The following PGM3 variants were observed in gnomAD, a reference collection of about 807,000 sequenced individuals.
The protein encoded by PGM3 is phosphoglucomutase 3, also known as phosphoacetylglucosamine mutase.
Under a neutral mutation model 66.2 loss-of-function variants are expected in PGM3, and 40 were observed. That is an observed-to-expected ratio of 0.60 (90% confidence interval 0.47 to 0.79). The LOEUF is 0.79. Among genes scored for constraint, PGM3 ranks in the 30% least tolerant of loss-of-function variants. PGM3 has a pLI of 0.00. For missense variants in PGM3, 537 were observed against 643.4 expected (o/e 0.83, Z 1.79); for synonymous variants, 191 against 224.2 (o/e 0.85, Z 1.32).
At chr6:83,154,278 G>A in the PGM3 span, 1 of 1,570,618 alleles carries the variant, frequency 6.4e-7, no homozygotes, top group Non-Finnish European at 8.8e-7. Context: ...GTTCTTTCCT[G>A]TACATGGTTC....
intron 5 of PGM3, 55 bp from the exon 6 acceptor site, chr6:83,181,986 G>T: frequency 8.4e-7 from 1 of 1,194,048 alleles, no homozygotes; most frequent in Non-Finnish European, 1.2e-6. Context: ...AAATAAATGT[G>T]AAATATAAAG....
At chr6:83,191,214 T>C (rs139140371) in intron 1 of PGM3, 200 bp from the exon 2 acceptor site, 1 of 1,535,186 alleles carries the variant, frequency 6.5e-7, no homozygotes, top group East Asian at 2.4e-5. Flanking sequence ...ACTTGGTATG[T>C]CCACTCCTGG....
chr6:83,155,756 C>T, the PGM3 span, among the ~76,000 whole-genome samples: 1 of 152,224 alleles, frequency 6.6e-6, no homozygotes, highest in South Asian at 2.1e-4. Context: ...ATCACAATTC[C>T]TACCATTTTG....
At chr6:83,173,228 G>A (rs745901391) in intron 10 of PGM3, among the ~76,000 whole-genome samples, 1 of 152,156 alleles carries the variant, frequency 6.6e-6, no homozygotes, top group Non-Finnish European at 1.5e-5. Context: ...TAAATGAAGT[G>A]TTTTTGTGGA....
chr6:83,168,990 A>T lies in PGM3; in HGVS notation c.*244T>A. On this transcript the variant is annotated 3_prime_UTR_variant, in exon 13 of 13. Coordinates refer to ENST00000513973, the MANE Select transcript of PGM3 (RefSeq NM_015599.3). The stretch of plus-strand genomic sequence containing the variant: ...TGTACAGTTAGTGACTGAATTGTAT[A>T]CTTAAGTCCCAGTATTTTACATTAG... 1 of 1,288,328 alleles carries T rather than the reference A, an allele frequency of 7.8e-7. No individual in the cohort carries two copies. Among genetic ancestry groups the T allele is most frequent in the Non-Finnish European group, 9.9e-7 (1 of 1,013,080 alleles). The allele number at this position is 1,288,328 out of a possible 1,614,324, so 79.8% of individuals were successfully genotyped here.
rs1786402842 is a variant in PGM3 at position 83,168,594 on chromosome 6, T to C, written c.*640A>G. 1 of 997,594 alleles carries C rather than the reference T, an allele frequency of 1.0e-6. No homozygotes were observed. The highest frequency in any genetic ancestry group is 4.4e-5 in the South Asian group (1 of 22,634). 61.8% of individuals were successfully genotyped at this position (997,594 alleles called of 1,614,324 possible). Reference sequence around the variant, plus strand: ...CAGAGGCTGGGAAACGTATTATAATTAGTTTTTCTCCCACATACCTTCACC... The same window carrying C: ...CAGAGGCTGGGAAACGTATTATAATCAGTTTTTCTCCCACATACCTTCACC... On this transcript the variant is annotated 3_prime_UTR_variant, in exon 13 of 13. Transcript: ENST00000513973.
the PGM3 span, chr6:83,148,907 T>G: frequency 4.2e-6 from 5 of 1,181,974 alleles, no homozygotes; most frequent in Non-Finnish European, 5.8e-6. Context: ...AAGGATAATG[T>G]TAATTGTCCT....
chr6:83,183,231 A>G (rs1039718198), intron 4 of PGM3, among the ~76,000 whole-genome samples: 85 of 152,252 alleles, frequency 5.6e-4, no homozygotes, highest in Admixed American at 2.7e-3. Flanking sequence ...TTCTGTTTCC[A>G]GTAACATTGC....
chr6:83,186,122 C>T (rs1490188634), intron 4 of PGM3, among the ~76,000 whole-genome samples: 2 of 152,162 alleles, frequency 1.3e-5, no homozygotes, highest in African/African-American at 2.4e-5. Context: ...CTCTGTACAT[C>T]GTATCATGAG....
At chr6:83,175,518 T>C (rs1335113616) in intron 9 of PGM3, among the ~76,000 whole-genome samples, 1 of 152,228 alleles carries the variant, frequency 6.6e-6, no homozygotes, top group African/African-American at 2.4e-5. Flanking sequence ...ATTATACACT[T>C]TAAAATGTAA....
intron 4 of PGM3, among the ~76,000 whole-genome samples, chr6:83,185,813 C>T (rs954131494): frequency 1.6e-4 from 24 of 151,842 alleles, no homozygotes; most frequent in Admixed American, 1.4e-3. Flanking sequence ...AAAAAGGTAG[C>T]TCAAGCTATG....
rs1243028702 is a variant in PGM3 at position 83,182,664 on chromosome 6, A to G, written c.591+181T>C. ...TACATAATTTGCCAAGTAAACGCCA[A>G]TGTAAGTTAGCAGGATACATAGACC... On this transcript the variant is annotated intron_variant, in intron 5 of 12. Coordinates refer to ENST00000513973, the MANE Select transcript of PGM3 (RefSeq NM_015599.3). Among the ~76,000 whole-genome samples, 62 of 152,204 alleles carry G rather than the reference A, an allele frequency of 4.1e-4. 1 individual carries two copies. Among genetic ancestry groups the G allele is most frequent in the Admixed American group, 4.1e-3 (62 of 15,276 alleles).
upstream of PGM3, chr6:83,193,486 C>A (rs1419922052): frequency 6.6e-6 from 1 of 152,226 alleles, no homozygotes; most frequent in Non-Finnish European, 1.5e-5. Context: ...CCGAGGGTCG[C>A]GGGCCCTCAG....
At position 83,188,535 on chromosome 6, in the gene PGM3, G is replaced by A; in HGVS notation, c.389+79C>T. On this transcript the variant is annotated intron_variant, in intron 3 of 12. Transcript: ENST00000513973. Reference sequence around the variant, plus strand: ...AGTTCCACTTTACTTCTTTCCATTTGTCTTGGATTAAAACTGATACAATCG... The same window carrying A: ...AGTTCCACTTTACTTCTTTCCATTTATCTTGGATTAAAACTGATACAATCG... The A allele has an allele frequency of 6.0e-6, 7 of 1,166,646 alleles. No individual in the cohort carries two copies. The South Asian group carries it at 8.4e-5, about 14-fold the overall frequency. The allele number at this position is 1,166,646 out of a possible 1,614,324, so 72.3% of individuals were successfully genotyped here. A position where few individuals can be genotyped will look rare whatever the true frequency, so the allele number is the denominator to read the frequency against.
At chr6:83,176,335 G>A (rs1259321564) in intron 8 of PGM3, among the ~76,000 whole-genome samples, 1 of 152,134 alleles carries the variant, frequency 6.6e-6, no homozygotes, top group African/African-American at 2.4e-5. Context: ...TGACCTAACT[G>A]TTTTAGAAAG....
At chr6:83,156,132 C>G in the PGM3 span, 1 of 1,577,176 alleles carries the variant, frequency 6.3e-7, no homozygotes, top group Non-Finnish European at 8.6e-7. Context: ...TTTATTTTTT[C>G]TCTAACTACA....
chr6:83,170,270 T>C (rs1046562438), intron 12 of PGM3, 35 bp downstream of exon 12: 3 of 1,600,896 alleles, frequency 1.9e-6, no homozygotes, highest in East Asian at 4.5e-5. Context: ...TCACCTAATA[T>C]TAGGCTCTTT....
chr6:83,167,402 A>G lies in PGM3; in HGVS notation c.*1832T>C, dbSNP rs1220661480. ...GCTACCATCATGGCAAATTTAGGCC[A>G]TTTAGATAAAAGGGAATTAACTAAT... On this transcript the variant is annotated 3_prime_UTR_variant, in exon 13 of 13. Transcript: ENST00000513973. 3.1e-6 allele frequency: 3 copies of G among 982,268 alleles called. No individual in the cohort carries two copies. The highest frequency in any genetic ancestry group is 6.1e-5 in the Admixed American group (1 of 16,378). The allele number at this position is 982,268 out of a possible 1,614,324, so 60.8% of individuals were successfully genotyped here.
At chr6:83,176,300 A>G (rs1202030736) in intron 8 of PGM3, among the ~76,000 whole-genome samples, 1 of 152,228 alleles carries the variant, frequency 6.6e-6, no homozygotes, top group African/African-American at 2.4e-5. Context: ...ATAAGACACG[A>G]AAGATTACAA....
Sources: allele counts gnomAD v4.1 joint callset (sites outside exome capture counted in the v4.1 genomes callset), GRCh38; gene constraint gnomAD v4.1.1; transcripts MANE v1.5; gene names NCBI Gene and HGNC (gene_info 2026-07-23, HGNC 2026-07-21).